Variants in NKAIN3 observed in about 807,000 individuals in gnomAD.
NKAIN3 encodes sodium/potassium-transporting ATPase subunit beta-1-interacting protein 3.
In NKAIN3, 25 loss-of-function variants were observed where a neutral mutation model predicts 30.2. The observed-to-expected ratio is 0.83, with a 90% CI of 0.60 to 1.16. The LOEUF (loss-of-function observed/expected upper bound fraction) is 1.16, where lower values mean the gene tolerates loss of function less well. Among genes scored for constraint, NKAIN3 ranks in the 50% most tolerant of loss-of-function variants. NKAIN3 has a pLI of 0.00. For missense variants in NKAIN3, 225 were observed against 254.1 expected (o/e 0.89, Z 0.78); for synonymous variants, 91 against 89.6 (o/e 1.02, Z -0.09).
intron 3 of NKAIN3, among the ~76,000 whole-genome samples, chr8:62,599,269 CA>C (rs1475814598): frequency 6.6e-6 from 1 of 151,994 alleles, no homozygotes; most frequent in Non-Finnish European, 1.5e-5. Context: ...CCATGCCTTT[CA>C]GCACTTGAAG....
chr8:62,711,839 G>A (rs1342048108), intron 3 of NKAIN3, among the ~76,000 whole-genome samples: 1 of 152,158 alleles, frequency 6.6e-6, no homozygotes, highest in Non-Finnish European at 1.5e-5. Flanking sequence ...ACCAGGGTTG[G>A]TTTTCTGGTC....
intron 4 of NKAIN3, among the ~76,000 whole-genome samples, chr8:62,879,211 G>C (rs1040237890): frequency 2.0e-5 from 3 of 152,156 alleles, no homozygotes; most frequent in African/African-American, 7.2e-5. Flanking sequence ...ATTCTAACTG[G>C]TGTGAGATGG....
intron 1 of NKAIN3, among the ~76,000 whole-genome samples, chr8:62,337,255 T>G (rs1815585436): frequency 6.6e-6 from 1 of 151,992 alleles, no homozygotes; most frequent in African/African-American, 2.4e-5. Context: ...CCTCCCATAT[T>G]GAAAAGGAAG....
intron 4 of NKAIN3, among the ~76,000 whole-genome samples, chr8:62,894,809 T>A (rs1349226833): frequency 6.6e-6 from 1 of 152,188 alleles, no homozygotes; most frequent in Non-Finnish European, 1.5e-5. Context: ...TTTTAATCTT[T>A]CTTTGTCATT....
intron 1 of NKAIN3, among the ~76,000 whole-genome samples, chr8:62,557,011 G>A (rs1335234746): frequency 1.1e-4 from 16 of 152,046 alleles, no homozygotes; most frequent in Middle Eastern, 3.4e-3. Flanking sequence ...TCTTAGTGGC[G>A]ATTTGTGAGA....
At chr8:62,867,578 A>C (rs1354547634) in intron 4 of NKAIN3, among the ~76,000 whole-genome samples, 1 of 152,192 alleles carries the variant, frequency 6.6e-6, no homozygotes. Context: ...AAGAGGAACC[A>C]AAAGCCTCCA....
chr8:62,798,250 C>T (rs373140024), intron 4 of NKAIN3, among the ~76,000 whole-genome samples: 15 of 152,058 alleles, frequency 9.9e-5, no homozygotes, highest in African/African-American at 2.7e-4. Context: ...GTTGGGTTGC[C>T]GATATTTAAT....
chr8:62,876,024 A>G (rs566656421), intron 4 of NKAIN3, among the ~76,000 whole-genome samples: 12 of 152,356 alleles, frequency 7.9e-5, no homozygotes, highest in Non-Finnish European at 1.5e-4. Context: ...AGAAACTAGC[A>G]TTAGAGTGAA....
chr8:62,943,032 G>C (rs891300455), intron 5 of NKAIN3, among the ~76,000 whole-genome samples: 1 of 152,166 alleles, frequency 6.6e-6, no homozygotes, highest in African/African-American at 2.4e-5. Context: ...ATGATAAATA[G>C]ATAGGACTTA....
At chr8:62,736,897 C>G (rs1815692586) in intron 3 of NKAIN3, among the ~76,000 whole-genome samples, 1 of 152,196 alleles carries the variant, frequency 6.6e-6, no homozygotes. Flanking sequence ...CTTCCTCTAG[C>G]CCTATATTTT....
intron 1 of NKAIN3, among the ~76,000 whole-genome samples, chr8:62,436,683 A>G (rs1256754266): frequency 6.6e-6 from 1 of 152,146 alleles, no homozygotes; most frequent in Non-Finnish European, 1.5e-5. Flanking sequence ...AGGAGTTGTT[A>G]TTTGATGACA....
chr8:62,866,674 T>C (rs1820424690), intron 4 of NKAIN3, among the ~76,000 whole-genome samples: 1 of 152,166 alleles, frequency 6.6e-6, no homozygotes. Context: ...CCATATGCCT[T>C]TGCAATAACT....
At chr8:62,441,002 G>T (rs957955951) in intron 1 of NKAIN3, among the ~76,000 whole-genome samples, 4 of 152,022 alleles carry the variant, frequency 2.6e-5, no homozygotes, top group Admixed American at 2.0e-4. Flanking sequence ...CATTTTGAAG[G>T]CTTCATCTGG....
downstream of NKAIN3, among the ~76,000 whole-genome samples, chr8:62,989,110 A>G (rs181624900): frequency 2.0e-5 from 3 of 152,326 alleles, no homozygotes; most frequent in East Asian, 5.8e-4. Context: ...CACTATGAGC[A>G]TTTTGGTCAA....
At chr8:62,558,371 G>C (rs1809472399) in intron 1 of NKAIN3, among the ~76,000 whole-genome samples, 1 of 152,020 alleles carries the variant, frequency 6.6e-6, no homozygotes, top group Admixed American at 6.6e-5. Context: ...TTTTTGGTTA[G>C]TCTTGCTTTG....
At chr8:62,283,865 A>C (rs1352304091) in intron 1 of NKAIN3, among the ~76,000 whole-genome samples, 1 of 152,148 alleles carries the variant, frequency 6.6e-6, no homozygotes, top group African/African-American at 2.4e-5. Flanking sequence ...ATTTACAGTA[A>C]AAAACATATG....
At chr8:62,953,393 T>G (rs1823337186) in intron 5 of NKAIN3, among the ~76,000 whole-genome samples, 1 of 152,230 alleles carries the variant, frequency 6.6e-6, no homozygotes, top group Non-Finnish European at 1.5e-5. Flanking sequence ...CCAGTTACTC[T>G]GCCATTAGGG....
rs1823776080 is a variant in NKAIN3 at position 62,968,998 on chromosome 8, A to G, written c.*3591A>G. ...CTCTTAGGAAAATCTCTAAATGTGT[A>G]TATCCCCAAGTATCTTAGCCTTCCA... On this transcript the variant is annotated 3_prime_UTR_variant, in exon 7 of 7. Coordinates refer to ENST00000623646, the MANE Select transcript of NKAIN3 (RefSeq NM_001304533.3). Among the ~76,000 whole-genome samples, 1 of 152,212 alleles carries G rather than the reference A, an allele frequency of 6.6e-6. No homozygotes were observed. The highest frequency in any genetic ancestry group is 2.4e-5 in the African/African-American group (1 of 41,460).
intron 1 of NKAIN3, among the ~76,000 whole-genome samples, chr8:62,373,116 T>G (rs1816960019): frequency 6.6e-6 from 1 of 152,170 alleles, no homozygotes; most frequent in South Asian, 2.1e-4. Context: ...ATTATGTAGC[T>G]ATTTAAGGTA....
Sources: gnomAD v4.1 joint callset for allele counts (sites outside exome capture counted in the v4.1 genomes callset) on GRCh38, gnomAD v4.1.1 for gene constraint, MANE v1.5 for transcripts, NCBI Gene and HGNC (gene_info 2026-07-23, HGNC 2026-07-21) for gene names.